Variants in PTCHD4 observed in about 807,000 individuals in gnomAD.
The protein encoded by PTCHD4 is patched domain containing 4, also known as patched domain-containing protein 4.
In PTCHD4, 33 loss-of-function variants were observed where a neutral mutation model predicts 58.1. The observed-to-expected ratio is 0.57, with a 90% CI of 0.43 to 0.76. The LOEUF (loss-of-function observed/expected upper bound fraction) is 0.76, where lower values mean the gene tolerates loss of function less well. Among genes scored for constraint, PTCHD4 ranks in the 30% least tolerant of loss-of-function variants. PTCHD4 has a pLI of 0.00. For synonymous variants in PTCHD4, 478 were observed against 409.6 expected, an observed-to-expected ratio of 1.17 and a Z score of -2.02; for missense variants, 1,058 against 1,027.1, an observed-to-expected ratio of 1.03 and a Z score of -0.41.
At chr6:48,077,643 T>C (rs1765084436) in intron 1 of PTCHD4, among the ~76,000 whole-genome samples, 1 of 152,216 alleles carries the variant, frequency 6.6e-6, no homozygotes, top group Non-Finnish European at 1.5e-5. Context: ...AGCTTTTGAT[T>C]TAAAGTGAGA....
Position 48,015,526 on chromosome 6 carries a change from C to A in PTCHD4, c.418-6412G>T, listed in dbSNP as rs952710814. ...TCCTTGAAGAAACCAAGTTAATTTC[C>A]ACCTTATGATCATTGCATCAGCTGT... is the stretch of plus-strand genomic sequence containing the variant. On this transcript the variant is annotated intron_variant, in intron 3 of 4. Coordinates refer to ENST00000339488, the MANE Select transcript of PTCHD4 (RefSeq NM_001384253.1). Among the ~76,000 whole-genome samples, 4 of 151,740 alleles carry A rather than the reference C, an allele frequency of 2.6e-5. No individual in the cohort carries two copies. The East Asian group carries it at 5.8e-4, about 22-fold the overall frequency.
At chr6:47,986,439 A>G (rs1215054217) in intron 4 of PTCHD4, among the ~76,000 whole-genome samples, 4 of 152,210 alleles carry the variant, frequency 2.6e-5, no homozygotes, top group Admixed American at 2.0e-4. Flanking sequence ...TATACTTACA[A>G]AAATTAAATT....
chr6:48,037,170 T>C (rs1763669195), intron 3 of PTCHD4, among the ~76,000 whole-genome samples: 1 of 152,128 alleles, frequency 6.6e-6, no homozygotes, highest in Non-Finnish European at 1.5e-5. Flanking sequence ...GTGAGTATAG[T>C]GTAAGATATT....
chr6:47,993,668 T>C (rs1278695670), intron 4 of PTCHD4, among the ~76,000 whole-genome samples: 2 of 152,144 alleles, frequency 1.3e-5, no homozygotes, highest in Non-Finnish European at 2.9e-5. Context: ...ATCCATTTCC[T>C]TTGAACATGT....
At chr6:48,091,714 T>C (rs1765369034) in intron 1 of PTCHD4, among the ~76,000 whole-genome samples, 4 of 141,998 alleles carry the variant, frequency 2.8e-5, no homozygotes, top group Admixed American at 2.8e-4. Context: ...TGGCACAATC[T>C]CGGCTCACTG....
chr6:47,950,589 TA>T (rs1216264170), intron 4 of PTCHD4, among the ~76,000 whole-genome samples: 1 of 152,010 alleles, frequency 6.6e-6, no homozygotes, highest in Admixed American at 6.6e-5. Flanking sequence ...AATGAGGTTT[TA>T]AAAAAAAGAT....
In PTCHD4 at chr6:48,068,830, C is replaced by A. The variant is rs1764902925; in HGVS notation, c.5+123G>T. The A allele has an allele frequency of 3.6e-6, 2 of 551,750 alleles. No homozygotes were observed. Among genetic ancestry groups the A allele is most frequent in the African/African-American group, 1.9e-5 (1 of 51,530 alleles). The allele number at this position is 551,750 out of a possible 1,614,324, so 34.2% of individuals were successfully genotyped here. On this transcript the variant is annotated intron_variant, in intron 2 of 4. Transcript: ENST00000339488. The surrounding 1 kb of genome is among the most constrained non-coding windows in gnomAD (Gnocchi z 4.2). The stretch of plus-strand genomic sequence containing the variant: ...GCTCCTACTACTCTTTCAAACACTG[C>A]AGCAAGTTGCAGCAAGGCGGGCAAA...
intron 1 of PTCHD4, among the ~76,000 whole-genome samples, chr6:48,099,383 G>C (rs1765549307): frequency 6.6e-6 from 1 of 152,160 alleles, no homozygotes; most frequent in Non-Finnish European, 1.5e-5. Context: ...CTGCCTCACA[G>C]AAGATACTCA....
At chr6:48,085,093 C>T (rs1582124354) in intron 1 of PTCHD4, among the ~76,000 whole-genome samples, 1 of 151,490 alleles carries the variant, frequency 6.6e-6, no homozygotes, top group Non-Finnish European at 1.5e-5. Flanking sequence ...CCTGAGCTCA[C>T]AGTCACCCGA....
At chr6:47,944,545 A>G (rs1049101717) in intron 4 of PTCHD4, among the ~76,000 whole-genome samples, 8 of 152,116 alleles carry the variant, frequency 5.3e-5, no homozygotes, top group African/African-American at 1.9e-4. Flanking sequence ...CAGGGGCTTT[A>G]AACCTGAGAA....
chr6:47,974,525 G>A (rs527519943), intron 4 of PTCHD4, among the ~76,000 whole-genome samples: 6 of 152,012 alleles, frequency 3.9e-5, no homozygotes, highest in Non-Finnish European at 7.4e-5. Context: ...TTGTGGGGGG[G>A]GCTGTCCTGT....
chr6:47,886,233 A>C (rs1215468063), intron 4 of PTCHD4, among the ~76,000 whole-genome samples: 4 of 152,104 alleles, frequency 2.6e-5, no homozygotes, highest in Non-Finnish European at 5.9e-5. Flanking sequence ...TCCAAAGAAA[A>C]TACTTTTAAC....
chr6:48,081,622 C>T (rs999891804), intron 1 of PTCHD4, among the ~76,000 whole-genome samples: 36 of 152,198 alleles, frequency 2.4e-4, no homozygotes, highest in African/African-American at 7.9e-4. Flanking sequence ...AAATGTGCTT[C>T]TTGCCTTCAA....
chr6:47,902,910 G>A (rs537459248), intron 4 of PTCHD4, among the ~76,000 whole-genome samples: 1 of 152,276 alleles, frequency 6.6e-6, no homozygotes, highest in African/African-American at 2.4e-5. Context: ...TCTAAAAAGA[G>A]CGCTTTTGGC....
chr6:48,009,372 T>C (rs926327250), intron 3 of PTCHD4, among the ~76,000 whole-genome samples: 5 of 152,182 alleles, frequency 3.3e-5, no homozygotes, highest in African/African-American at 1.2e-4. Context: ...TAGAGAAACG[T>C]AGATAAATAT....
intron 1 of PTCHD4, among the ~76,000 whole-genome samples, chr6:48,086,717 A>G (rs1765272394): frequency 6.6e-6 from 1 of 152,154 alleles, no homozygotes. Flanking sequence ...TCTTATTTTC[A>G]TGGGGGAAAA....
intron 3 of PTCHD4, among the ~76,000 whole-genome samples, chr6:48,020,509 C>T (rs866288890): frequency 9.9e-5 from 15 of 151,650 alleles, no homozygotes; most frequent in South Asian, 8.4e-4. Context: ...TTGCTACTTT[C>T]GTTGGCAAAA....
At chr6:47,918,980 G>C (rs1765345689) in intron 4 of PTCHD4, among the ~76,000 whole-genome samples, 1 of 152,120 alleles carries the variant, frequency 6.6e-6, no homozygotes, top group Admixed American at 6.6e-5. Flanking sequence ...TAGTGAACTA[G>C]TTAGATTAGA....
At chr6:48,067,963 T>G (rs539761386) in intron 3 of PTCHD4, among the ~76,000 whole-genome samples, 1 of 152,280 alleles carries the variant, frequency 6.6e-6, no homozygotes, top group South Asian at 2.1e-4. Flanking sequence ...TTCTGAGTCT[T>G]AAGGATGAGA....
Sources: gnomAD v4.1 joint callset for allele counts (sites outside exome capture counted in the v4.1 genomes callset) on GRCh38, gnomAD v4.1.1 for gene constraint, Gnocchi (gnomAD v3.1) non-coding constraint, MANE v1.5 for transcripts, NCBI Gene and HGNC (gene_info 2026-07-23, HGNC 2026-07-21) for gene names.